Variants in C8orf34 observed in about 807,000 individuals in gnomAD.
C8orf34 encodes the protein uncharacterized protein C8orf34.
In C8orf34, 65 loss-of-function variants were observed where a neutral mutation model predicts 68.3. The observed-to-expected ratio is 0.95, with a 90% CI of 0.78 to 1.17. The LOEUF is 1.17. Among genes scored for constraint, C8orf34 ranks in the 50% most tolerant of loss-of-function variants. The pLI is 0.00. For missense variants in C8orf34, 664 were observed against 655.4 expected, an observed-to-expected ratio of 1.01 and a Z score of -0.14; for synonymous variants, 244 against 241.2, an observed-to-expected ratio of 1.01 and a Z score of -0.11.
At chr8:68,500,536 A>G (rs1813721605) in intron 5 of C8orf34, among the ~76,000 whole-genome samples, 1 of 152,174 alleles carries the variant, frequency 6.6e-6, no homozygotes, top group African/African-American at 2.4e-5. Flanking sequence ...CCTATATGCT[A>G]AAGTGTTTAG....
At chr8:68,371,466 A>G (rs1807558696) in intron 1 of C8orf34, among the ~76,000 whole-genome samples, 1 of 152,168 alleles carries the variant, frequency 6.6e-6, no homozygotes, top group South Asian at 2.1e-4. Flanking sequence ...AGATTATTTT[A>G]TTTATGACAT....
At chr8:68,331,394 A>G (rs1040527709) in intron 1 of C8orf34, 55 bp downstream of exon 1, 1 of 1,504,382 alleles carries the variant, frequency 6.6e-7, no homozygotes, top group Admixed American at 2.0e-5. Flanking sequence ...GGGGTGCAGT[A>G]ATGAAAACAG....
chr8:68,759,621 A>G (rs1822969480), intron 10 of C8orf34, among the ~76,000 whole-genome samples: 2 of 152,332 alleles, frequency 1.3e-5, no homozygotes, highest in Non-Finnish European at 2.9e-5. Context: ...GTGGGAATGA[A>G]TAAGTGGTGT....
At chr8:68,382,359 C>G (rs1448207692) in intron 1 of C8orf34, among the ~76,000 whole-genome samples, 1 of 152,072 alleles carries the variant, frequency 6.6e-6, no homozygotes, top group African/African-American at 2.4e-5. Flanking sequence ...GTATTTTTGC[C>G]TCTGTTTCCT....
At chr8:68,557,322 AT>A (rs1236830425) in intron 7 of C8orf34, among the ~76,000 whole-genome samples, 1 of 152,210 alleles carries the variant, frequency 6.6e-6, no homozygotes, top group Non-Finnish European at 1.5e-5. Flanking sequence ...TGTAAATTAA[AT>A]TTTCTAATTA....
intron 2 of C8orf34, among the ~76,000 whole-genome samples, chr8:68,440,917 G>T (rs1401582805): frequency 6.6e-6 from 1 of 151,432 alleles, no homozygotes; most frequent in African/African-American, 2.4e-5. Flanking sequence ...CCATTCTCCT[G>T]CTTCAGCCTC....
intron 5 of C8orf34, among the ~76,000 whole-genome samples, chr8:68,498,059 C>A (rs184954676): frequency 2.0e-5 from 3 of 152,172 alleles, no homozygotes; most frequent in Non-Finnish European, 4.4e-5. Flanking sequence ...ACCTCCCGAC[C>A]GCAGGTGATC....
At chr8:68,357,261 G>A (rs570120303) in intron 1 of C8orf34, among the ~76,000 whole-genome samples, 1 of 152,160 alleles carries the variant, frequency 6.6e-6, no homozygotes, top group South Asian at 2.1e-4. Flanking sequence ...GCTCTTAGTT[G>A]TATAGTAATG....
intron 10 of C8orf34, among the ~76,000 whole-genome samples, chr8:68,723,460 A>C (rs1197821184): frequency 2.6e-5 from 4 of 152,160 alleles, no homozygotes; most frequent in African/African-American, 4.8e-5. Context: ...TAGGGTTCCA[A>C]ATAATGTTCT....
intron 8 of C8orf34, among the ~76,000 whole-genome samples, chr8:68,703,985 T>A (rs1462862721): frequency 6.6e-6 from 1 of 152,148 alleles, no homozygotes. Flanking sequence ...AAATCCCCAA[T>A]ATAGGGCTGG....
intron 1 of C8orf34, among the ~76,000 whole-genome samples, chr8:68,384,893 T>G (rs542087687): frequency 1.3e-5 from 2 of 152,318 alleles, no homozygotes; most frequent in South Asian, 2.1e-4. Flanking sequence ...GTAGAGTGAT[T>G]CAACCTTTAT....
chr8:68,526,867 T>G (rs1815018357), intron 6 of C8orf34, among the ~76,000 whole-genome samples: 1 of 152,066 alleles, frequency 6.6e-6, no homozygotes, highest in South Asian at 2.1e-4. Context: ...CGGAGCAAGC[T>G]CAGGCCCACG....
intron 8 of C8orf34, among the ~76,000 whole-genome samples, chr8:68,669,452 A>G (rs1248351891): frequency 6.6e-6 from 1 of 152,194 alleles, no homozygotes; most frequent in Non-Finnish European, 1.5e-5. Flanking sequence ...GTTTTTATGT[A>G]CCCATTTACT....
intron 1 of C8orf34, among the ~76,000 whole-genome samples, chr8:68,358,578 G>C (rs1444123722): frequency 2.0e-5 from 3 of 151,914 alleles, no homozygotes; most frequent in Non-Finnish European, 4.4e-5. Context: ...CCTCCACTAA[G>C]AACAGGACTT....
At chr8:68,583,796 G>T (rs943721259) in intron 7 of C8orf34, among the ~76,000 whole-genome samples, 1 of 151,808 alleles carries the variant, frequency 6.6e-6, no homozygotes, top group Non-Finnish European at 1.5e-5. Flanking sequence ...AAATAATATC[G>T]TGGTCTCATT....
At chr8:68,499,227 C>G (rs1813662088) in intron 5 of C8orf34, among the ~76,000 whole-genome samples, 1 of 152,106 alleles carries the variant, frequency 6.6e-6, no homozygotes, top group South Asian at 2.1e-4. Context: ...TGGCCTCCAG[C>G]TGCATCCATG....
At chr8:68,592,289 C>G (rs1817413154) in intron 7 of C8orf34, among the ~76,000 whole-genome samples, 2 of 152,006 alleles carry the variant, frequency 1.3e-5, no homozygotes, top group African/African-American at 4.8e-5. Flanking sequence ...TTTAGCATAT[C>G]TATTTATTCA....
chr8:68,647,486 C>A (rs1291327252), intron 8 of C8orf34, among the ~76,000 whole-genome samples: 2 of 152,154 alleles, frequency 1.3e-5, no homozygotes, highest in Admixed American at 6.6e-5. Context: ...AAAGAAATAT[C>A]TGCAAAGAAT....
chr8:68,341,100 A>C (rs1806051211), intron 1 of C8orf34, among the ~76,000 whole-genome samples: 1 of 152,190 alleles, frequency 6.6e-6, no homozygotes, highest in South Asian at 2.1e-4. Context: ...TTTATTTCTC[A>C]TAGTTCTGGA....
Sources: gnomAD v4.1 joint callset for allele counts (sites outside exome capture counted in the v4.1 genomes callset) on GRCh38, gnomAD v4.1.1 for gene constraint, MANE v1.5 for transcripts, NCBI Gene and HGNC (gene_info 2026-07-23, HGNC 2026-07-21) for gene names.